The following SLC66A2 variants were observed in gnomAD, a reference collection of about 807,000 sequenced individuals.
SLC66A2 encodes solute carrier family 66 member 2.
A neutral mutation model predicts 25.5 loss-of-function variants in SLC66A2; 23 were observed. The observed-to-expected ratio is 0.90, with a 90% CI of 0.65 to 1.28. The LOEUF (loss-of-function observed/expected upper bound fraction) is 1.28. Among genes scored for constraint, SLC66A2 ranks in the 50% most tolerant of loss-of-function variants. The pLI is 0.00. For synonymous variants in SLC66A2, 193 were observed against 166.5 expected, an observed-to-expected ratio of 1.16 and a Z score of -1.23; for missense variants, 396 against 373.1, an observed-to-expected ratio of 1.06 and a Z score of -0.51.
chr18:79,908,413 T>C (rs989634215), intron 5 of SLC66A2, among the ~76,000 whole-genome samples: 1 of 152,228 alleles, frequency 6.6e-6, no homozygotes, highest in Non-Finnish European at 1.5e-5. Flanking sequence ...CTCCCTCGTT[T>C]CTGGTGAGAA....
chr18:79,906,417 G>A (rs2123183643), intron 5 of SLC66A2, among the ~76,000 whole-genome samples: 1 of 152,200 alleles, frequency 6.6e-6, no homozygotes, highest in South Asian at 2.1e-4. Context: ...CACAAATTTT[G>A]ATATGGTGGT....
Position 79,934,174 on chromosome 18 carries a change from T to G in SLC66A2, c.338-152A>C, listed in dbSNP as rs1986854061. The stretch of plus-strand genomic sequence containing the variant: ...GAATAGAAAGATCACAAGATTTTGG[T>G]TTTTGTGCATTAGAAAACCCACTTT... On this transcript the variant is annotated intron_variant, in intron 3 of 5. Coordinates refer to ENST00000397778, the MANE Select transcript of SLC66A2 (RefSeq NM_025078.5). The G allele has an allele frequency of 1.6e-5, 11 of 675,194 alleles. No individual in the cohort carries two copies. The South Asian group carries it at 2.1e-4, about 13-fold the overall frequency. 41.8% of individuals were successfully genotyped at this position (675,194 alleles called of 1,614,324 possible). A position where few individuals can be genotyped will look rare whatever the true frequency, so the allele number is the denominator to read the frequency against.
rs369508260 is a variant in SLC66A2, at chr18:79,940,333, T to C, written c.337+2996A>G. Among the ~76,000 whole-genome samples, 593 of 152,192 alleles carry C rather than the reference T, an allele frequency of 3.9e-3. 4 individuals carry two copies. Among genetic ancestry groups the C allele is most frequent in the Middle Eastern group, 3.4e-3 (1 of 294 alleles). ...TAATCTGCACACTGGCCGGGCGCAG[T>C]GGGTCACGCCCGTAATGCCAGCACT... On this transcript the variant is annotated intron_variant, in intron 3 of 5. Coordinates refer to ENST00000397778, the MANE Select transcript of SLC66A2 (RefSeq NM_025078.5). This position sits in a 1 kb window ranked among gnomAD's most constrained non-coding sequence, Gnocchi z 4.1.
intron 2 of SLC66A2, chr18:79,943,771 C>T (rs993459048): frequency 2.6e-5 from 7 of 269,596 alleles, no homozygotes; most frequent in African/African-American, 4.6e-5. Flanking sequence ...CTCCTGGTCC[C>T]GAACTTGCAG....
At chr18:79,934,894 T>C (rs1474386473) in intron 3 of SLC66A2, among the ~76,000 whole-genome samples, 5 of 152,208 alleles carry the variant, frequency 3.3e-5, no homozygotes, top group African/African-American at 9.6e-5. Flanking sequence ...CTCTGCCCTC[T>C]GCTACTTGGA....
At chr18:79,931,407 T>C (rs1471270762) in intron 4 of SLC66A2, among the ~76,000 whole-genome samples, 7 of 152,008 alleles carry the variant, frequency 4.6e-5, no homozygotes, top group African/African-American at 1.5e-4. Context: ...ATGCATGTGA[T>C]GACACTAACG....
chr18:79,916,298 T>C (rs1365579121), intron 5 of SLC66A2, among the ~76,000 whole-genome samples: 34 of 143,040 alleles, frequency 2.4e-4, no homozygotes, highest in African/African-American at 9.1e-4. Context: ...GTACCCGTGG[T>C]GCTCCCGTAC....
Position 79,904,723 on chromosome 18 carries a change from C to T in SLC66A2, c.609-540G>A, listed in dbSNP as rs533871991. 6.6e-6 allele frequency among the ~76,000 whole-genome samples: 1 copy of T among 152,300 alleles called. No homozygotes were observed. Among genetic ancestry groups the T allele is most frequent in the Admixed American group, 6.5e-5 (1 of 15,308 alleles). ...CTCCCTCCCTGGTGATAGATGCAAA[C>T]CTTCCTTTCCTGGAGTGAACAGGGA... On this transcript the variant is annotated intron_variant, in intron 5 of 5. Coordinates refer to ENST00000397778, the MANE Select transcript of SLC66A2 (RefSeq NM_025078.5). This position sits in a 1 kb window ranked among gnomAD's most constrained non-coding sequence, Gnocchi z 6.3.
chr18:79,904,126 C>T lies in SLC66A2; in HGVS notation c.666G>A (p.Leu222=). 1 of 1,613,054 alleles carries T rather than the reference C, an allele frequency of 6.2e-7. No homozygotes were observed. Residue 222 remains leucine (L), a synonymous_variant, in exon 6 of 6, where the codon CTG becomes CTA. Coordinates refer to ENST00000397778, the MANE Select transcript of SLC66A2 (RefSeq NM_025078.5). This position sits in a 1 kb window ranked among gnomAD's most constrained non-coding sequence, Gnocchi z 6.3. ...SGDAFKTAYF[L]LKGAPLQFSV... ...AGAACTGCAGAGGGGCACCCTTCAGCAGGAAGTAGGCCGTCTTGAAGGCGT... is the reference window on the plus strand; with the variant it reads ...AGAACTGCAGAGGGGCACCCTTCAGTAGGAAGTAGGCCGTCTTGAAGGCGT...
chr18:79,912,159 C>CAGGGAGGGGACGGGAGCAGG, intron 5 of SLC66A2, among the ~76,000 whole-genome samples: 1 of 37,160 alleles, frequency 2.7e-5, no homozygotes, highest in Admixed American at 2.2e-4. Flanking sequence ...ACGGCAGCAG[C>CAGGGAGGGGACGGGAGCAGG]GAGGGGATGG....
intron 1 of SLC66A2, among the ~76,000 whole-genome samples, 165 bp from the exon 2 acceptor site, chr18:79,951,190 G>A (rs963043545): frequency 4.0e-5 from 6 of 151,710 alleles, no homozygotes; most frequent in African/African-American, 1.2e-4. Flanking sequence ...GGGTGTCTGG[G>A]GGTCCCGAGA....
chr18:79,919,565 G>A (rs760849975), intron 4 of SLC66A2, among the ~76,000 whole-genome samples, 165 bp from the exon 5 acceptor site: 107 of 98,450 alleles, frequency 1.1e-3, no homozygotes, highest in African/African-American at 4.0e-3. Context: ...CCGAGGGAGA[G>A]GTCAAGGTCA....
chr18:79,916,180 C>CCGTGGTG (rs1361270573), intron 5 of SLC66A2, among the ~76,000 whole-genome samples: 1 of 55,334 alleles, frequency 1.8e-5, no homozygotes, highest in African/African-American at 4.4e-5. Context: ...GCTCCCGTAC[C>CCGTGGTG]CTCCCATACC....
chr18:79,912,514 C>T (rs369657730), intron 5 of SLC66A2, among the ~76,000 whole-genome samples: 2 of 152,214 alleles, frequency 1.3e-5, no homozygotes, highest in South Asian at 2.1e-4. Flanking sequence ...GGCCACGTGT[C>T]GCCAGGCCAC....
chr18:79,904,459 C>G lies in SLC66A2; in HGVS notation c.609-276G>C, dbSNP rs186969679. On this transcript the variant is annotated intron_variant, in intron 5 of 5. Coordinates refer to ENST00000397778, the MANE Select transcript of SLC66A2 (RefSeq NM_025078.5). The surrounding 1 kb of genome is among the most constrained non-coding windows in gnomAD (Gnocchi z 6.3). ...CCCACCTGTCCCATGCAACCCCCAC[C>G]CTTGACTTCTCTGTGGCCGCAAGAG... Among the ~76,000 whole-genome samples, 361 of 152,230 alleles carry G rather than the reference C, an allele frequency of 2.4e-3. 2 individuals are homozygous for G. The highest frequency in any genetic ancestry group is 8.2e-3 in the African/African-American group (342 of 41,516).
chr18:79,907,921 T>C (rs1412505058), intron 5 of SLC66A2, among the ~76,000 whole-genome samples: 1 of 152,156 alleles, frequency 6.6e-6, no homozygotes, highest in Admixed American at 6.5e-5. Context: ...CTAGGGACTA[T>C]AATATATTTA....
chr18:79,943,107 C>G (rs1168783799), intron 3 of SLC66A2, among the ~76,000 whole-genome samples: 1 of 152,194 alleles, frequency 6.6e-6, no homozygotes. Flanking sequence ...GAGGCCTCAC[C>G]CAACTTCCAG....
intron 5 of SLC66A2, among the ~76,000 whole-genome samples, chr18:79,911,232 T>G (rs1796431413): frequency 6.6e-6 from 1 of 152,242 alleles, no homozygotes; most frequent in Non-Finnish European, 1.5e-5. Context: ...TGGTTAGCCC[T>G]GAGGGGCCAG....
At chr18:79,924,746 A>T (rs751208180) in intron 4 of SLC66A2, 1 of 152,268 alleles carries the variant, frequency 6.6e-6, no homozygotes, top group Non-Finnish European at 1.5e-5. Flanking sequence ...ATTACTTATT[A>T]GTAAATACTT....
Sources: gnomAD v4.1 joint callset for allele counts (sites outside exome capture counted in the v4.1 genomes callset) on GRCh38, gnomAD v4.1.1 for gene constraint, Gnocchi (gnomAD v3.1) non-coding constraint, MANE v1.5 for transcripts, NCBI Gene and HGNC (gene_info 2026-07-23, HGNC 2026-07-21) for gene names.